Variants in FMR1 observed in about 807,000 individuals in gnomAD.
FMR1 encodes FMRP translational regulator 1.
FMR1 carries 13 observed loss-of-function variants against 50.6 expected under a neutral mutation model. The ratio of observed to expected loss-of-function variants is 0.26; its 90% CI spans 0.17 to 0.41. The LOEUF is 0.41. FMR1 is among the 10% of genes least tolerant of loss of function. The pLI, the probability that FMR1 is intolerant of heterozygous loss-of-function variation, is 1.00. For missense variants in FMR1, 316 were observed against 491.3 expected, an observed-to-expected ratio of 0.64 and a Z score of 3.37; for synonymous variants, 138 against 164.1, an observed-to-expected ratio of 0.84 and a Z score of 1.22.
chrX:147,926,726 G>A (rs1462515097), intron 3 of FMR1, among the ~76,000 whole-genome samples: 2 of 111,110 alleles, frequency 1.8e-5, no homozygotes, highest in Non-Finnish European at 3.8e-5. Flanking sequence ...GACCTCAGGT[G>A]ATCCACTCGC....
At chrX:147,914,056 A>G (rs1483619164) in intron 1 of FMR1, 1 of 112,150 alleles carries the variant, frequency 8.9e-6, no homozygotes, top group African/African-American at 3.2e-5. Flanking sequence ...TGCTCCAGTG[A>G]TTTTGCTTGC....
chrX:147,939,394 A>T (rs1557180243), intron 12 of FMR1, among the ~76,000 whole-genome samples: 1 of 111,383 alleles, frequency 9.0e-6, no homozygotes, highest in African/African-American at 3.3e-5. Flanking sequence ...AGCCTTTTAA[A>T]ATTTTCAGAG....
rs1205010263 is a variant in FMR1, at chrX:147,936,625, T to C, written c.990+12T>C. 1.9e-6 allele frequency: 2 copies of C among 1,031,543 alleles called. No homozygotes were observed. The highest frequency in any genetic ancestry group is 3.7e-5 in the African/African-American group (2 of 53,848). The allele number at this position is 1,031,543 out of a possible 1,213,427, so 85.0% of individuals were successfully genotyped here. Reference sequence around the variant, plus strand: ...TTCCACAAGAAGAGGTATGTTACAGTGCGAATATTTTGTGGCACATATAAT... The same window carrying C: ...TTCCACAAGAAGAGGTATGTTACAGCGCGAATATTTTGTGGCACATATAAT... On this transcript the variant is annotated intron_variant, in intron 10 of 16. Transcript: ENST00000370475.
intron 1 of FMR1, among the ~76,000 whole-genome samples, chrX:147,917,183 A>T (rs2042913877): frequency 8.9e-6 from 1 of 111,960 alleles, no homozygotes; most frequent in African/African-American, 3.3e-5. Context: ...TTGAAACTTT[A>T]ACACATAATA....
intron 13 of FMR1, among the ~76,000 whole-genome samples, chrX:147,941,050 C>T (rs782392454): frequency 1.8e-5 from 2 of 112,036 alleles, no homozygotes; most frequent in South Asian, 7.4e-4. Context: ...TCAAGGAAAT[C>T]TAAGCATTTC....
intron 14 of FMR1, chrX:147,944,247 G>T (rs2044100256): frequency 1.3e-6 from 1 of 751,122 alleles, no homozygotes; most frequent in Non-Finnish European, 1.6e-6. Context: ...CAGGCATAAT[G>T]AATTTATTAT....
chrX:147,929,597 A>AT (rs1237962085), intron 5 of FMR1, among the ~76,000 whole-genome samples: 1 of 110,472 alleles, frequency 9.1e-6, no homozygotes, highest in Non-Finnish European at 1.9e-5. Flanking sequence ...TTAAAAAAAA[A>AT]GGAAAAAAAA....
At chrX:147,932,161 A>G (rs2124519771) in intron 7 of FMR1, among the ~76,000 whole-genome samples, 1 of 111,882 alleles carries the variant, frequency 8.9e-6, no homozygotes, top group Non-Finnish European at 1.9e-5. Context: ...CAGCCTTGTG[A>G]TAAGTTTTCA....
intron 2 of FMR1, among the ~76,000 whole-genome samples, chrX:147,924,467 TTGTGTGTGTGTG>T (rs3999731): frequency 8.7e-4 from 79 of 91,078 alleles, no homozygotes; most frequent in Middle Eastern, 5.5e-3. Flanking sequence ...AGTATTTTAT[TTGTGTGTGTGTG>T]TGTGTGTGTG....
At position 147,940,577 on chromosome X, in the gene FMR1, G is replaced by A; in HGVS notation, c.1190G>A (p.Gly397Asp). 8.5e-7 allele frequency: 1 copy of A among 1,178,161 alleles called. No homozygotes were observed. Among genetic ancestry groups the A allele is most frequent in the Admixed American group, 2.2e-5 (1 of 46,004 alleles). The change falls in exon 13 of 17, where the codon GGT becomes GAT. Residue 397 changes from glycine (G) to aspartate (D), a missense_variant and splice_region_variant. Gly to Asp is a moderately conservative substitution (Grantham distance 94, BLOSUM62 -1). Coordinates refer to ENST00000370475, the MANE Select transcript of FMR1 (RefSeq NM_002024.6). ...SQKPELKAWQGMVPFVFVGTK... is the reference protein window; with the variant it reads ...SQKPELKAWQDMVPFVFVGTK... ...TCATTGTTGCAATTTCTTTTTCAGG[G>A]TATGGTACCATTTGTTTTTGTGGGA...
chrX:147,930,693 C>T (rs1238318299), intron 7 of FMR1, among the ~76,000 whole-genome samples: 3 of 111,789 alleles, frequency 2.7e-5, no homozygotes, highest in Admixed American at 9.5e-5. Flanking sequence ...GGCTATTTCC[C>T]TAACTTACTA....
intron 1 of FMR1, among the ~76,000 whole-genome samples, chrX:147,916,490 C>G (rs942392243): frequency 5.4e-5 from 6 of 111,527 alleles, no homozygotes; most frequent in Non-Finnish European, 1.1e-4. Flanking sequence ...GGGTTTGAAT[C>G]ATACTGTTAT....
intron 5 of FMR1, among the ~76,000 whole-genome samples, chrX:147,929,588 TAAAAAAAAAGG>T (rs1569545593): frequency 1.0e-5 from 1 of 98,892 alleles, no homozygotes; most frequent in African/African-American, 3.7e-5. Context: ...AACTAAAAAT[TAAAAAAAAAGG>T]AAAAAAAAAG....
chrX:147,926,113 C>G (rs1011895039), intron 3 of FMR1, among the ~76,000 whole-genome samples: 17 of 112,139 alleles, frequency 1.5e-4, no homozygotes, highest in Non-Finnish European at 3.0e-4. Context: ...GGTAAAATCT[C>G]TTTTTCACAG....
At chrX:147,948,315 T>G in intron 16 of FMR1, 1 of 331,880 alleles carries the variant, frequency 3.0e-6, no homozygotes, top group African/African-American at 2.8e-5. Context: ...ATAACTAATT[T>G]TATTTTAACT....
intron 16 of FMR1, chrX:147,948,309 C>T (rs1041039728): frequency 6.5e-6 from 2 of 308,080 alleles, no homozygotes; most frequent in East Asian, 3.2e-4. Flanking sequence ...TGGAGAATAA[C>T]TAATTTTATT....
intron 2 of FMR1, among the ~76,000 whole-genome samples, chrX:147,924,327 C>A (rs997926500): frequency 9.1e-6 from 1 of 110,001 alleles, no homozygotes. Flanking sequence ...ACTAAGAAAG[C>A]TCTTTAGTAA....
chrX:147,921,958 A>G lies in FMR1; in HGVS notation c.77A>G (p.Asp26Gly). 1.7e-6 allele frequency: 2 copies of G among 1,144,978 alleles called. No individual in the cohort carries two copies. The highest frequency in any genetic ancestry group is 2.4e-6 in the Non-Finnish European group (2 of 835,359). The allele number at this position is 1,144,978 out of a possible 1,213,427, so 94.4% of individuals were successfully genotyped here. ...GCATTTGTAAAGGATGTTCATGAAG[A>G]TTCAATAACAGTTGCATTTGAAAAC... The part of the protein sequence containing the change: ...YKAFVKDVHE[D>G]SITVAFENNW... Residue 26 changes from aspartate to glycine, a missense_variant, in exon 2 of 17, where the codon GAT (aspartate) becomes GGT (glycine). Transcript: ENST00000370475.
chrX:147,945,160 G>A (rs1268681778), intron 15 of FMR1, 109 bp downstream of exon 15: 6 of 1,076,575 alleles, frequency 5.6e-6, no homozygotes, highest in Non-Finnish European at 6.3e-6. Context: ...CATCTCTCCC[G>A]TTTTGTGCTG....
Sources: gnomAD v4.1 joint callset for allele counts (sites outside exome capture counted in the v4.1 genomes callset) on GRCh38, gnomAD v4.1.1 for gene constraint, MANE v1.5 for transcripts, NCBI Gene and HGNC (gene_info 2026-07-23, HGNC 2026-07-21) for gene names.